The following CAMK1D variants were observed in gnomAD, a reference collection of about 807,000 sequenced individuals.
CAMK1D encodes the protein calcium/calmodulin dependent protein kinase ID.
A neutral mutation model predicts 47.7 loss-of-function variants in CAMK1D; 9 were observed. The observed-to-expected ratio is 0.19, with a 90% CI of 0.11 to 0.33. The LOEUF is 0.33. Ranked by LOEUF, CAMK1D falls within the 10% of genes least tolerant of loss-of-function variation. CAMK1D has a pLI of 1.00. For missense variants in CAMK1D, 291 were observed against 488.7 expected, an observed-to-expected ratio of 0.60 and a Z score of 3.81; for synonymous variants, 184 against 184.9, an observed-to-expected ratio of 0.99 and a Z score of 0.04.
chr10:12,532,255 A>G (rs1032853871), intron 1 of CAMK1D, among the ~76,000 whole-genome samples: 1 of 151,974 alleles, frequency 6.6e-6, no homozygotes, highest in Non-Finnish European at 1.5e-5. Flanking sequence ...CCACTTGGCC[A>G]CAAGAGTCCT....
intron 6 of CAMK1D, 104 bp downstream of exon 6, chr10:12,791,337 G>A (rs192843034): frequency 9.9e-7 from 1 of 1,008,104 alleles, no homozygotes; most frequent in Non-Finnish European, 1.5e-6. Flanking sequence ...ACAGTTTAAG[G>A]GTGCAGTTCA....
intron 3 of CAMK1D, among the ~76,000 whole-genome samples, chr10:12,709,111 C>G (rs1255667917): frequency 6.6e-6 from 1 of 152,228 alleles, no homozygotes; most frequent in East Asian, 1.9e-4. Context: ...AGACCTTCCT[C>G]CTGGGTGAGT....
chr10:12,603,133 A>G (rs1419605699), intron 2 of CAMK1D, among the ~76,000 whole-genome samples: 2 of 151,810 alleles, frequency 1.3e-5, no homozygotes, highest in African/African-American at 4.8e-5. Context: ...CTGGTCTTGA[A>G]CTTACGACTT....
Position 12,761,035 on chromosome 10 carries a change from G to A in CAMK1D, c.387G>A (p.Leu129=). Residue 129 remains leucine (L), a synonymous_variant, in exon 4 of 11, where the codon TTG becomes TTA. Coordinates refer to ENST00000619168, the MANE Select transcript of CAMK1D (RefSeq NM_153498.4). The part of the protein sequence containing the change: ...KDASTLIRQV[L]DAVYYLHRMG... Reference sequence around the variant, plus strand: ...CCAGCACTCTGATCCGCCAAGTCTTGGACGCCGTGTACTATCTCCACAGAA... The same window carrying A: ...CCAGCACTCTGATCCGCCAAGTCTTAGACGCCGTGTACTATCTCCACAGAA... The A allele has an allele frequency of 6.2e-7, 1 of 1,614,184 alleles. No homozygotes were observed. The highest frequency in any genetic ancestry group is 8.5e-7 in the Non-Finnish European group (1 of 1,180,032).
chr10:12,547,405 C>G lies in CAMK1D; in HGVS notation c.93-5820C>G, dbSNP rs575427840. On this transcript the variant is annotated intron_variant, in intron 1 of 10. Coordinates refer to ENST00000619168, the MANE Select transcript of CAMK1D (RefSeq NM_153498.4). ...TGCCCAGACGACAGTTTCAGGTTGC[C>G]AATATGATTCAGTCTGGCTGGAGTG... 4.6e-5 allele frequency among the ~76,000 whole-genome samples: 7 copies of G among 152,278 alleles called. No homozygotes were observed. In the South Asian group the frequency reaches 1.5e-3, roughly 32 times the overall value.
At chr10:12,520,937 A>ATCGTG (rs1295502573) in intron 1 of CAMK1D, among the ~76,000 whole-genome samples, 20 of 8,074 alleles carry the variant, frequency 2.5e-3, no homozygotes, top group Non-Finnish European at 3.6e-3. Context: ...CCGTGGGGAG[A>ATCGTG]GGGAGAGGGA....
At chr10:12,527,204 G>GA (rs1179589984) in intron 1 of CAMK1D, among the ~76,000 whole-genome samples, 1 of 151,608 alleles carries the variant, frequency 6.6e-6, no homozygotes, top group African/African-American at 2.4e-5. Context: ...AAGTAAGAGA[G>GA]AAAAAAAGAA....
At chr10:12,563,664 T>TGAGAGAGA (rs373932374) in intron 2 of CAMK1D, among the ~76,000 whole-genome samples, 2,165 of 130,000 alleles carry the variant, frequency 0.017, 34 homozygotes, top group East Asian at 0.086. Flanking sequence ...GCGGAAGGTT[T>TGAGAGAGA]GAGAGAGAGA....
At chr10:12,495,075 A>G (rs1834496506) in intron 1 of CAMK1D, among the ~76,000 whole-genome samples, 1 of 152,234 alleles carries the variant, frequency 6.6e-6, no homozygotes, top group South Asian at 2.1e-4. Context: ...TCGTTCAATT[A>G]AAAAGAAAGG....
rs375666033 is a variant in CAMK1D at position 12,411,096 on chromosome 10, A to G, written c.92+61186A>G. Among the ~76,000 whole-genome samples, 169 of 152,266 alleles carry G rather than the reference A, an allele frequency of 1.1e-3. 1 individual carries two copies. Among genetic ancestry groups the G allele is most frequent in the African/African-American group, 3.8e-3 (159 of 41,548 alleles). On this transcript the variant is annotated intron_variant, in intron 1 of 10. Coordinates refer to ENST00000619168, the MANE Select transcript of CAMK1D (RefSeq NM_153498.4). ...ATGGATTAAGCTTCGAGCCCACCCC[A>G]TCGGCTCCCATCACATCAACTCACC...
intron 1 of CAMK1D, among the ~76,000 whole-genome samples, chr10:12,506,925 A>G (rs1588566597): frequency 6.6e-6 from 1 of 152,158 alleles, no homozygotes; most frequent in African/African-American, 2.4e-5. Flanking sequence ...TGCTCCATGA[A>G]TGTGTGTGGA....
At chr10:12,520,086 C>T (rs1256967326) in intron 1 of CAMK1D, among the ~76,000 whole-genome samples, 97 of 80,690 alleles carry the variant, frequency 1.2e-3, no homozygotes, top group African/African-American at 2.4e-3. Context: ...CCCCACCTCC[C>T]TCCCGGACGG....
At chr10:12,816,783 A>G (rs1333846027) in intron 8 of CAMK1D, among the ~76,000 whole-genome samples, 1 of 151,630 alleles carries the variant, frequency 6.6e-6, no homozygotes, top group Admixed American at 6.6e-5. Context: ...GAGTCAGGAC[A>G]ATCGCTTGAA....
intron 2 of CAMK1D, among the ~76,000 whole-genome samples, chr10:12,617,700 G>A (rs979388757): frequency 6.6e-6 from 1 of 152,108 alleles, no homozygotes; most frequent in African/African-American, 2.4e-5. Flanking sequence ...TGAGATACCT[G>A]CCGGGTTAGT....
At chr10:12,792,767 G>A (rs758345228) in intron 6 of CAMK1D, among the ~76,000 whole-genome samples, 3 of 152,204 alleles carry the variant, frequency 2.0e-5, no homozygotes, top group African/African-American at 4.8e-5. Flanking sequence ...AAGGACTCTC[G>A]TTTATGGAAA....
chr10:12,408,879 A>T (rs1206453746), intron 1 of CAMK1D, among the ~76,000 whole-genome samples: 1 of 111,414 alleles, frequency 9.0e-6, no homozygotes, highest in East Asian at 2.5e-4. Flanking sequence ...TCTGAGTCGG[A>T]GTCTCTTTCT....
chr10:12,592,552 A>G (rs1838028349), intron 2 of CAMK1D, among the ~76,000 whole-genome samples: 1 of 152,044 alleles, frequency 6.6e-6, no homozygotes, highest in African/African-American at 2.4e-5. Context: ...AGCCCACCCA[A>G]CCCCCCATTC....
rs562592326 is a variant in CAMK1D, at chr10:12,634,464, G to C, written c.225-32272G>C. Among the ~76,000 whole-genome samples the C allele has an allele frequency of 5.3e-5, 8 of 152,258 alleles. No homozygotes were observed. The East Asian group carries it at 1.5e-3, about 29-fold the overall frequency. Reference sequence around the variant, plus strand: ...ATCCTGTTGTCCCACCCATTGTCCCGTAAGCAGGAGTTCAACAGGGACAGA... The same window carrying C: ...ATCCTGTTGTCCCACCCATTGTCCCCTAAGCAGGAGTTCAACAGGGACAGA... On this transcript the variant is annotated intron_variant, in intron 2 of 10. Coordinates refer to ENST00000619168, the MANE Select transcript of CAMK1D (RefSeq NM_153498.4).
At chr10:12,487,429 A>G (rs900342288) in intron 1 of CAMK1D, among the ~76,000 whole-genome samples, 2 of 152,178 alleles carry the variant, frequency 1.3e-5, no homozygotes, top group Non-Finnish European at 1.5e-5. Flanking sequence ...TCAATTCACA[A>G]GGCTTATAAT....
Sources: gnomAD v4.1 joint callset for allele counts (sites outside exome capture counted in the v4.1 genomes callset) on GRCh38, gnomAD v4.1.1 for gene constraint, MANE v1.5 for transcripts, NCBI Gene and HGNC (gene_info 2026-07-23, HGNC 2026-07-21) for gene names.